The following INPP5A variants were observed in gnomAD, a reference collection of about 807,000 sequenced individuals.
INPP5A encodes the protein 43 kDa inositol polyphosphate 5-phophatase.
INPP5A carries 14 observed loss-of-function variants against 65.2 expected under a neutral mutation model. The ratio of observed to expected loss-of-function variants is 0.21; its 90% confidence interval spans 0.14 to 0.34. INPP5A has a LOEUF of 0.34. INPP5A is among the 10% of genes least tolerant of loss of function. The pLI is 1.00. For synonymous variants in INPP5A, 207 were observed against 208.3 expected (o/e 0.99, Z 0.05); for missense variants, 431 against 545.6 (o/e 0.79, Z 2.09).
chr10:132,549,565 G>C lies in INPP5A; in HGVS notation c.75+11394G>C, dbSNP rs1314655799. On this transcript the variant is annotated intron_variant, in intron 1 of 15. Transcript: ENST00000368594. This position sits in a 1 kb window ranked among gnomAD's most constrained non-coding sequence, Gnocchi z 4.9. ...TCTGCCCACCCCTCCAGGAGGGCCT[G>C]TGGGATGCGAGGCCTCTGCTACGAG... Among the ~76,000 whole-genome samples, 1 of 152,248 alleles carries C rather than the reference G, an allele frequency of 6.6e-6. No individual in the cohort carries two copies. The highest frequency in any genetic ancestry group is 6.5e-5 in the Admixed American group (1 of 15,294).
chr10:132,625,712 A>G (rs1427872470), intron 2 of INPP5A, among the ~76,000 whole-genome samples: 2 of 151,942 alleles, frequency 1.3e-5, no homozygotes, highest in Non-Finnish European at 2.9e-5. Flanking sequence ...TCTTTGGCTG[A>G]GGTCAGGGGC....
intron 2 of INPP5A, among the ~76,000 whole-genome samples, chr10:132,612,173 AG>A (rs2071968732): frequency 7.5e-6 from 1 of 132,590 alleles, no homozygotes; most frequent in Admixed American, 7.9e-5. Context: ...CCTGTCAGAG[AG>A]GGGAGAGGCG....
At chr10:132,597,336 C>T (rs2071716673) in intron 1 of INPP5A, among the ~76,000 whole-genome samples, 1 of 152,216 alleles carries the variant, frequency 6.6e-6, no homozygotes, top group Admixed American at 6.5e-5. Flanking sequence ...TGGATGTGGT[C>T]TGTCAGCTCA....
rs374470481 is a variant in INPP5A at position 132,585,620 on chromosome 10, C to T, written c.76-22295C>T. Among the ~76,000 whole-genome samples, 7 of 152,304 alleles carry T rather than the reference C, an allele frequency of 4.6e-5. No individual in the cohort carries two copies. In the East Asian group the frequency reaches 1.2e-3, roughly 25 times the overall value. ...CCTGTGTGCTGGACTGGAAGCTCCA[C>T]AATGGTGAGAAGCATTACCAGGGCA... On this transcript the variant is annotated intron_variant, in intron 1 of 15. Transcript: ENST00000368594.
chr10:132,731,921 G>A (rs371953070), intron 9 of INPP5A, among the ~76,000 whole-genome samples: 2 of 152,304 alleles, frequency 1.3e-5, no homozygotes, highest in African/African-American at 2.4e-5. Context: ...TTCAACAGAC[G>A]TAGATGCCAC....
rs550684243 is a variant in INPP5A, at chr10:132,615,605, G to A, written c.117+7649G>A. On this transcript the variant is annotated intron_variant, in intron 2 of 15. Coordinates refer to ENST00000368594, the MANE Select transcript of INPP5A (RefSeq NM_005539.5). Reference sequence around the variant, plus strand: ...GCCTGCATTCGACACACAGCTTTGCGGCTGCATTTCTGCCCCTGGTGAAGC... The same window carrying A: ...GCCTGCATTCGACACACAGCTTTGCAGCTGCATTTCTGCCCCTGGTGAAGC... Among the ~76,000 whole-genome samples, 27 of 152,328 alleles carry A rather than the reference G, an allele frequency of 1.8e-4. No individual in the cohort carries two copies. The East Asian group carries it at 4.2e-3, about 24-fold the overall frequency.
chr10:132,724,750 A>T (rs943363650), intron 8 of INPP5A, among the ~76,000 whole-genome samples: 1 of 145,950 alleles, frequency 6.9e-6, no homozygotes, highest in Non-Finnish European at 1.5e-5. Flanking sequence ...CCCCAGGATG[A>T]CAGGTGCACA....
chr10:132,782,250 GT>G lies in INPP5A; in HGVS notation c.*239del, dbSNP rs5789138. ...TATGTGACATTAAGTAGAAATATTG[GT>G]TTTTTTTTTTTTTTTTTAAATAAGT... On this transcript the variant is annotated 3_prime_UTR_variant, in exon 16 of 16. Coordinates refer to ENST00000368594, the MANE Select transcript of INPP5A (RefSeq NM_005539.5). The surrounding 1 kb of genome is among the most constrained non-coding windows in gnomAD (Gnocchi z 4.4). 202,488 of 335,024 alleles carry G rather than the reference GT, an allele frequency of 0.6. 43,617 individuals are homozygous for G. The highest frequency in any genetic ancestry group is 0.7 in the Admixed American group (16,885 of 23,988). The allele number at this position is 335,024 out of a possible 1,614,324, so 20.8% of individuals were successfully genotyped here. A position where few individuals can be genotyped will look rare whatever the true frequency, so the allele number is the denominator to read the frequency against.
chr10:132,760,097 A>T (rs1298591510), intron 11 of INPP5A, among the ~76,000 whole-genome samples: 1 of 152,096 alleles, frequency 6.6e-6, no homozygotes, highest in African/African-American at 2.4e-5. Flanking sequence ...AAGCTAAACG[A>T]ATTCATGTCG....
At chr10:132,553,741 C>G (rs2071086253) in intron 1 of INPP5A, among the ~76,000 whole-genome samples, 1 of 143,890 alleles carries the variant, frequency 6.9e-6, no homozygotes, top group African/African-American at 2.6e-5. Flanking sequence ...AACGCCTTCT[C>G]AGAGCCTTGG....
At position 132,546,411 on chromosome 10, in the gene INPP5A, C is replaced by T. The variant is rs1383613416; in HGVS notation, c.75+8240C>T. Reference sequence around the variant, plus strand: ...CCTCCGGATCAGCCTGTTACTTGAACCCTGAGCCCCTGGTGGGTCTCGGTG... The same window carrying T: ...CCTCCGGATCAGCCTGTTACTTGAATCCTGAGCCCCTGGTGGGTCTCGGTG... On this transcript the variant is annotated intron_variant, in intron 1 of 15. Coordinates refer to ENST00000368594, the MANE Select transcript of INPP5A (RefSeq NM_005539.5). This position sits in a 1 kb window ranked among gnomAD's most constrained non-coding sequence, Gnocchi z 5.7. 1.3e-5 allele frequency among the ~76,000 whole-genome samples: 2 copies of T among 152,060 alleles called. No individual in the cohort carries two copies. The highest frequency in any genetic ancestry group is 1.5e-5 in the Non-Finnish European group (1 of 68,000).
chr10:132,742,114 A>G (rs1437609612), intron 9 of INPP5A, among the ~76,000 whole-genome samples: 1 of 152,206 alleles, frequency 6.6e-6, no homozygotes, highest in African/African-American at 2.4e-5. Context: ...GATAGAGCTC[A>G]TGCGCCATGA....
rs2071046649 is a variant in INPP5A at position 132,551,354 on chromosome 10, G to T, written c.75+13183G>T. Among the ~76,000 whole-genome samples the T allele has an allele frequency of 6.6e-6, 1 of 152,030 alleles. No individual in the cohort carries two copies. The highest frequency in any genetic ancestry group is 1.5e-5 in the Non-Finnish European group (1 of 67,944). On this transcript the variant is annotated intron_variant, in intron 1 of 15. Coordinates refer to ENST00000368594, the MANE Select transcript of INPP5A (RefSeq NM_005539.5). The surrounding 1 kb of genome is among the most constrained non-coding windows in gnomAD (Gnocchi z 5.3). ...TTTGTTTCTTGCAAAGAGTGCCTTA[G>T]TTAGGGGACAGGCCAGCCCACCGTC...
chr10:132,631,270 T>C (rs945338730), intron 2 of INPP5A, among the ~76,000 whole-genome samples: 1 of 152,156 alleles, frequency 6.6e-6, no homozygotes, highest in Non-Finnish European at 1.5e-5. Context: ...TTGAGGAGGC[T>C]GTCTGACCAG....
At chr10:132,617,524 A>AGC (rs1398378851) in intron 2 of INPP5A, among the ~76,000 whole-genome samples, 1 of 152,166 alleles carries the variant, frequency 6.6e-6, no homozygotes, top group African/African-American at 2.4e-5. Context: ...GGTGTGGAGG[A>AGC]GCGGCTGTTA....
At chr10:132,746,272 C>T (rs1022910948) in intron 9 of INPP5A, among the ~76,000 whole-genome samples, 2 of 152,224 alleles carry the variant, frequency 1.3e-5, no homozygotes, top group African/African-American at 2.4e-5. Flanking sequence ...TAAACCAGCT[C>T]TTGAAGGTTG....
chr10:132,543,981 G>A (rs919413898), intron 1 of INPP5A, among the ~76,000 whole-genome samples: 5 of 152,256 alleles, frequency 3.3e-5, no homozygotes, highest in Non-Finnish European at 7.3e-5. Flanking sequence ...GTGCTGTTGG[G>A]TGTGCATAGT....
chr10:132,725,571 C>T (rs543996528), intron 8 of INPP5A, among the ~76,000 whole-genome samples: 1 of 152,234 alleles, frequency 6.6e-6, no homozygotes, highest in African/African-American at 2.4e-5. Context: ...GGTTGGGCCC[C>T]CTGCCTCCCG....
chr10:132,596,717 A>G (rs1192021871), intron 1 of INPP5A, among the ~76,000 whole-genome samples: 3 of 152,240 alleles, frequency 2.0e-5, no homozygotes, highest in African/African-American at 7.2e-5. Context: ...GGCGTGAGCC[A>G]CCACGCCCGG....
Sources: gnomAD v4.1 joint callset for allele counts (sites outside exome capture counted in the v4.1 genomes callset) on GRCh38, gnomAD v4.1.1 for gene constraint, Gnocchi (gnomAD v3.1) non-coding constraint, MANE v1.5 for transcripts, NCBI Gene and HGNC (gene_info 2026-07-23, HGNC 2026-07-21) for gene names.